The following NOD1 variants were observed in gnomAD, a reference collection of about 807,000 sequenced individuals.
The protein encoded by NOD1 is nucleotide-binding oligomerization domain-containing protein 1.
Under a neutral mutation model 81.2 loss-of-function variants are expected in NOD1, and 70 were observed. The observed-to-expected ratio is 0.86, with a 90% CI of 0.71 to 1.05. NOD1 has a LOEUF of 1.05. NOD1 is among the 50% of genes least tolerant of loss of function. NOD1 has a pLI of 0.00. For missense variants in NOD1, 1,233 were observed against 1,228.0 expected, an observed-to-expected ratio of 1.00 and a Z score of -0.06; for synonymous variants, 508 against 526.9, an observed-to-expected ratio of 0.96 and a Z score of 0.49.
Position 30,474,748 on chromosome 7 carries a change from CT to C in NOD1, c.-352+3857del, listed in dbSNP as rs201553599. Among the ~76,000 whole-genome samples, 951 of 152,314 alleles carry C rather than the reference CT, an allele frequency of 6.2e-3. 10 individuals are homozygous for C. Among genetic ancestry groups the C allele is most frequent in the African/African-American group, 0.022 (895 of 41,560 alleles). On this transcript the variant is annotated intron_variant, in intron 1 of 13. Transcript: ENST00000222823. ...TCCATGGCCTAGGGATTGGGGACCC[CT>C]GAAGTAAGGAATAAAACAGGAATTG...
chr7:30,428,440 A>G (rs1783650278), intron 13 of NOD1: 1 of 152,198 alleles, frequency 6.6e-6, no homozygotes, highest in Admixed American at 6.5e-5. Flanking sequence ...ACCAACACTT[A>G]TGCAAACACA....
At chr7:30,457,672 C>T (rs959442566) in intron 3 of NOD1, among the ~76,000 whole-genome samples, 2 of 151,982 alleles carry the variant, frequency 1.3e-5, no homozygotes, top group African/African-American at 4.8e-5. Flanking sequence ...GTTAACAGGG[C>T]TTGGAGGTTT....
chr7:30,461,437 C>CAA (rs1402135331), intron 1 of NOD1, among the ~76,000 whole-genome samples: 1 of 152,230 alleles, frequency 6.6e-6, no homozygotes, highest in Non-Finnish European at 1.5e-5. Flanking sequence ...CTCAGCCTCC[C>CAA]AAAGTGCTGG....
intron 7 of NOD1, chr7:30,447,361 A>T: frequency 2.5e-6 from 1 of 398,328 alleles, no homozygotes; most frequent in South Asian, 2.3e-5. Context: ...CATAACGCAA[A>T]GCCCTGGTGC....
intron 1 of NOD1, among the ~76,000 whole-genome samples, chr7:30,463,409 G>C (rs1335100135): frequency 6.6e-6 from 1 of 151,858 alleles, no homozygotes; most frequent in East Asian, 1.9e-4. Flanking sequence ...AAACAAAAAT[G>C]ATGAGCAACA....
chr7:30,437,580 T>C lies in NOD1; in HGVS notation c.2530A>G (p.Thr844Ala), dbSNP rs1391239439. ...CAGCAGGGCCACAGTTACCTCAGGG[T>C]GGTCAAGCTGGGGTGGTTCCGCAGA... is the stretch of plus-strand genomic sequence containing the variant. ...EALRNHPSLT[T>A]LSLASNGIST... is the part of the protein sequence containing the mutation. Residue 844 changes from threonine to alanine, a missense_variant, in exon 10 of 14, where the codon ACC becomes GCC. By Grantham distance (58) the Thr-to-Ala change is moderately conservative (BLOSUM62 0). Transcript: ENST00000222823. The C allele has an allele frequency of 1.3e-6, 2 of 1,504,286 alleles. No individual in the cohort carries two copies. The highest frequency in any genetic ancestry group is 1.8e-6 in the Non-Finnish European group (2 of 1,138,974). 93.2% of individuals were successfully genotyped at this position (1,504,286 alleles called of 1,614,324 possible).
chr7:30,452,485 A>C lies in NOD1; in HGVS notation c.932T>G (p.Leu311Arg). ...ACTGAGCAGGTTGGCCAGCAAGACC[A>C]GGGGGTGGGCAGGCTCCCAGGGGCA... ...SSCPWEPAHPLVLLANLLSGK... is the reference protein window; with the variant it reads ...SSCPWEPAHPRVLLANLLSGK... Residue 311 changes from leucine to arginine, a missense_variant, in exon 6 of 14, where the codon CTG becomes CGG. Physicochemically the swap from Leu to Arg is moderately radical, Grantham distance 102 (BLOSUM62 -2). Coordinates refer to ENST00000222823, the MANE Select transcript of NOD1 (RefSeq NM_006092.4). 6.2e-7 allele frequency: 1 copy of C among 1,613,194 alleles called. No individual in the cohort carries two copies. The highest frequency in any genetic ancestry group is 8.5e-7 in the Non-Finnish European group (1 of 1,179,922).
chr7:30,466,357 A>G (rs1787689205), intron 1 of NOD1, among the ~76,000 whole-genome samples: 1 of 151,986 alleles, frequency 6.6e-6, no homozygotes, highest in Non-Finnish European at 1.5e-5. Context: ...TAATTTATCA[A>G]TGTGCAATTT....
chr7:30,452,137 A>G lies in NOD1; in HGVS notation c.1280T>C (p.Leu427Pro). The part of the protein sequence containing the change: ...CTMTLTDVFL[L>P]VTEVHLNRMQ... Reference sequence around the variant, plus strand: ...CCTGTTCAGATGGACCTCAGTGACCAGGAGGAAGACATCTGTCAGGGTCAT... The same window carrying G: ...CCTGTTCAGATGGACCTCAGTGACCGGGAGGAAGACATCTGTCAGGGTCAT... The change falls in exon 6 of 14, where the codon CTG (leucine) becomes CCG (proline). Residue 427 changes from leucine to proline, a missense_variant. Leu to Pro is a moderately conservative substitution (Grantham distance 98, BLOSUM62 -3). Transcript: ENST00000222823. 6.2e-7 allele frequency: 1 copy of G among 1,613,998 alleles called. No individual in the cohort carries two copies. Among genetic ancestry groups the G allele is most frequent in the Non-Finnish European group, 8.5e-7 (1 of 1,180,026 alleles).
At chr7:30,477,196 A>C (rs1562727536) in intron 1 of NOD1, among the ~76,000 whole-genome samples, 1 of 151,826 alleles carries the variant, frequency 6.6e-6, no homozygotes, top group Non-Finnish European at 1.5e-5. Flanking sequence ...AATAAAACCT[A>C]CTCTTCTTAC....
chr7:30,435,837 T>C (rs925890989), intron 11 of NOD1, among the ~76,000 whole-genome samples, 161 bp downstream of exon 11: 2 of 152,086 alleles, frequency 1.3e-5, no homozygotes, highest in African/African-American at 2.4e-5. Flanking sequence ...TGCATGCCTA[T>C]AGTCTCAGGA....
chr7:30,461,062 T>C (rs1787006251), intron 1 of NOD1, among the ~76,000 whole-genome samples: 1 of 152,238 alleles, frequency 6.6e-6, no homozygotes, highest in Non-Finnish European at 1.5e-5. Flanking sequence ...AATTTAAAAC[T>C]TTCTAATAGC....
At chr7:30,473,424 C>CA (rs1788474073) in intron 1 of NOD1, among the ~76,000 whole-genome samples, 1 of 152,164 alleles carries the variant, frequency 6.6e-6, no homozygotes, top group South Asian at 2.1e-4. Context: ...AAACACCCCC[C>CA]ACATCTGTCT....
chr7:30,473,516 C>A (rs1040380896), intron 1 of NOD1, among the ~76,000 whole-genome samples: 2 of 152,142 alleles, frequency 1.3e-5, no homozygotes. Flanking sequence ...AACATTGCAA[C>A]CCACTCTAAT....
At chr7:30,460,194 A>T in intron 1 of NOD1, 153 bp from the exon 2 acceptor site, 1 of 964,230 alleles carries the variant, frequency 1.0e-6, no homozygotes, top group Non-Finnish European at 1.2e-6. Context: ...GAAAGCAGAG[A>T]AACTGAACTC....
At position 30,451,907 on chromosome 7, in the gene NOD1, G is replaced by C. The variant is rs1175572254; in HGVS notation, c.1510C>G (p.Leu504Val). 6.2e-6 allele frequency: 10 copies of C among 1,613,568 alleles called. No homozygotes were observed. The highest frequency in any genetic ancestry group is 8.5e-6 in the Non-Finnish European group (10 of 1,179,990). Reference sequence around the variant, plus strand: ...GACTGCTGGTCACCCCCGGGGCCCAGCTCCGGCAAAGCCCGCAGGAAGCCC... The same window carrying C: ...GACTGCTGGTCACCCCCGGGGCCCACCTCCGGCAAAGCCCGCAGGAAGCCC... ...QLGFLRALPE[L>V]GPGGDQQSYE... Residue 504 changes from leucine to valine, a missense_variant, in exon 6 of 14, where the codon CTG (leucine) becomes GTG (valine). Leu to Val is a conservative substitution (Grantham distance 32). Transcript: ENST00000222823. The surrounding 1 kb of genome is among the most constrained non-coding windows in gnomAD (Gnocchi z 4.2).
intron 13 of NOD1, among the ~76,000 whole-genome samples, chr7:30,426,790 C>T (rs550539095): frequency 6.6e-6 from 1 of 152,176 alleles, no homozygotes; most frequent in East Asian, 1.9e-4. Context: ...TTCCAGGACA[C>T]CACACTCCCT....
intron 4 of NOD1, 65 bp from the exon 5 acceptor site, chr7:30,455,376 C>G: frequency 7.7e-7 from 1 of 1,303,098 alleles, no homozygotes; most frequent in Non-Finnish European, 1.1e-6. Flanking sequence ...CATAAGGACC[C>G]TCAGGCAGGC....
In NOD1 at chr7:30,467,633, G is replaced by T. The variant is rs1787832167; in HGVS notation, c.-351-7592C>A. Reference sequence around the variant, plus strand: ...CAATAAAAAGCTCTTCCTGTTTTGTGAAAGTATCACAATAAATCTGATGGG... The same window carrying T: ...CAATAAAAAGCTCTTCCTGTTTTGTTAAAGTATCACAATAAATCTGATGGG... On this transcript the variant is annotated intron_variant, in intron 1 of 13. Coordinates refer to ENST00000222823, the MANE Select transcript of NOD1 (RefSeq NM_006092.4). This position sits in a 1 kb window ranked among gnomAD's most constrained non-coding sequence, Gnocchi z 4.5. Among the ~76,000 whole-genome samples the T allele has an allele frequency of 1.3e-5, 2 of 152,314 alleles. No homozygotes were observed. Among genetic ancestry groups the T allele is most frequent in the Admixed American group, 1.3e-4 (2 of 15,312 alleles).
Sources: gnomAD v4.1 joint callset for allele counts (sites outside exome capture counted in the v4.1 genomes callset) on GRCh38, gnomAD v4.1.1 for gene constraint, Gnocchi (gnomAD v3.1) non-coding constraint, MANE v1.5 for transcripts, NCBI Gene and HGNC (gene_info 2026-07-23, HGNC 2026-07-21) for gene names.